DPP3: variants seen among roughly 807,000 people sequenced by gnomAD.
DPP3 encodes dipeptidyl peptidase 3, also known as DPP III.
A neutral mutation model predicts 89.8 loss-of-function variants in DPP3; 64 were observed. The ratio of observed to expected loss-of-function variants is 0.71; its 90% CI spans 0.58 to 0.88. DPP3 has a LOEUF of 0.88. DPP3 is among the 40% of genes least tolerant of loss of function. The pLI is 0.00. For missense variants in DPP3, 835 were observed against 972.5 expected (o/e 0.86, Z 1.88); for synonymous variants, 377 against 404.3 (o/e 0.93, Z 0.81).
At chr11:66,485,405 G>C (rs1855199302) in intron 3 of DPP3, 143 bp downstream of exon 3, 3 of 783,346 alleles carry the variant, frequency 3.8e-6, no homozygotes, top group Non-Finnish European at 6.2e-6. Flanking sequence ...GCATGACTGT[G>C]GGTGTCACCA....
intron 17 of DPP3, among the ~76,000 whole-genome samples, chr11:66,507,721 C>T (rs1590750517): frequency 6.8e-6 from 1 of 146,022 alleles, no homozygotes; most frequent in African/African-American, 2.5e-5. Flanking sequence ...GAGTCTCACT[C>T]TGTCCCGCAG....
chr11:66,498,089 C>T (rs1170558054), intron 16 of DPP3, among the ~76,000 whole-genome samples: 4 of 146,910 alleles, frequency 2.7e-5, no homozygotes, highest in Non-Finnish European at 4.5e-5. Context: ...TTCACCACCA[C>T]GCCCGGCTAA....
At chr11:66,486,004 C>T (rs11600009) in intron 3 of DPP3, among the ~76,000 whole-genome samples, 4,015 of 151,980 alleles carry the variant, frequency 0.026, 73 homozygotes, top group Middle Eastern at 0.088. Context: ...GGTAGTGGCA[C>T]GGACACAGCT....
chr11:66,482,019 G>A, intron 1 of DPP3, 174 bp from the exon 2 acceptor site: 1 of 908,764 alleles, frequency 1.1e-6, no homozygotes, highest in South Asian at 1.7e-5. Context: ...TGACCCCTTG[G>A]GTGAGTCATC....
intron 2 of DPP3, 40 bp from the exon 3 acceptor site, chr11:66,485,133 G>A (rs1253704569): frequency 1.3e-6 from 2 of 1,590,472 alleles, no homozygotes; most frequent in Admixed American, 1.7e-5. Context: ...GGTCAGGGAG[G>A]CTGTGCTTCC....
intron 1 of DPP3, 107 bp from the exon 2 acceptor site, chr11:66,482,086 T>G: frequency 6.8e-7 from 1 of 1,461,846 alleles, no homozygotes; most frequent in Non-Finnish European, 9.2e-7. Context: ...TAGTATTCCC[T>G]TCCACATGGG....
intron 6 of DPP3, 70 bp downstream of exon 6, chr11:66,488,077 A>C (rs890010441): frequency 7.4e-7 from 1 of 1,357,394 alleles, no homozygotes; most frequent in Non-Finnish European, 1.0e-6. Flanking sequence ...CTCAGGTCCT[A>C]CCAACTCTGC....
At chr11:66,487,220 C>T in intron 4 of DPP3, 48 bp from the exon 5 acceptor site, 1 of 1,593,586 alleles carries the variant, frequency 6.3e-7, no homozygotes, top group South Asian at 1.1e-5. Flanking sequence ...CCCTGCAGCC[C>T]TGACCTTGGC....
rs1855468118 is a variant in DPP3, at chr11:66,493,993, G to A, written c.1389+360G>A. Among the ~76,000 whole-genome samples, 3 of 152,242 alleles carry A rather than the reference G, an allele frequency of 2.0e-5. No individual in the cohort carries two copies. The South Asian group carries it at 6.2e-4, about 32-fold the overall frequency. On this transcript the variant is annotated intron_variant, in intron 12 of 17. Coordinates refer to ENST00000531863, the MANE Select transcript of DPP3 (RefSeq NM_130443.4). Reference sequence around the variant, plus strand: ...AGCACACCCTAAGGGCGTGCTTAGGGCGTGGCTCCAGCAGCCCCAGGACAG... The same window carrying A: ...AGCACACCCTAAGGGCGTGCTTAGGACGTGGCTCCAGCAGCCCCAGGACAG...
intron 12 of DPP3, 38 bp downstream of exon 12, chr11:66,493,671 C>T (rs753108797): frequency 1.9e-6 from 3 of 1,566,698 alleles, no homozygotes; most frequent in East Asian, 2.4e-5. Context: ...CCCCAGCCTA[C>T]AGCTCCACTC....
chr11:66,497,418 C>T lies in DPP3; in HGVS notation c.1819C>T (p.Arg607Cys), dbSNP rs137888856. ...CCCAGATGCCCGGGTCCGCCTCGAC[C>T]GCAGCAAGATCCGGTCTGTGGGCAA... ...GRPDARVRLD[R>C]SKIRSVGKPA... is the part of the protein sequence containing the mutation. Residue 607 changes from arginine (R) to cysteine (C), a missense_variant, in exon 16 of 18, where the codon CGC (arginine) becomes TGC (cysteine). Coordinates refer to ENST00000531863, the MANE Select transcript of DPP3 (RefSeq NM_130443.4). 989 of 1,614,024 alleles carry T rather than the reference C, an allele frequency of 6.1e-4. 1 individual carries two copies. Among genetic ancestry groups the T allele is most frequent in the Non-Finnish European group, 7.7e-4 (912 of 1,180,026 alleles).
At position 66,492,744 on chromosome 11, in the gene DPP3, G is replaced by A; in HGVS notation, c.1017G>A (p.Met339Ile). The A allele has an allele frequency of 6.2e-7, 1 of 1,609,058 alleles. No homozygotes were observed. Among genetic ancestry groups the A allele is most frequent in the Non-Finnish European group, 8.5e-7 (1 of 1,177,792 alleles). ...TCGTAGCTGTGGTGAACAAGGCCAT[G>A]AGTGCCAAGTTTGAGCGGCTGGTGG... is the stretch of plus-strand genomic sequence containing the variant. Reference protein sequence around the residue: ...EGFVAVVNKAMSAKFERLVAS... With the variant: ...EGFVAVVNKAISAKFERLVAS... Residue 339 changes from methionine (M) to isoleucine (I), a missense_variant, in exon 10 of 18, where the codon ATG becomes ATA. Met to Ile is a conservative substitution (Grantham distance 10). Transcript: ENST00000531863.
intron 16 of DPP3, among the ~76,000 whole-genome samples, chr11:66,503,025 A>G (rs1447960355): frequency 6.6e-6 from 1 of 151,958 alleles, no homozygotes; most frequent in Non-Finnish European, 1.5e-5. Context: ...CTGGAGTGCA[A>G]TGGTGCAATC....
At chr11:66,480,505 C>T (rs1336748451) in intron 1 of DPP3, 40 bp downstream of exon 1, 1 of 1,473,656 alleles carries the variant, frequency 6.8e-7, no homozygotes, top group East Asian at 2.9e-5. Flanking sequence ...CAAAGCGTGT[C>T]ATCCCGGGGG....
At chr11:66,505,119 G>T (rs567593582) in intron 17 of DPP3, among the ~76,000 whole-genome samples, 1 of 152,284 alleles carries the variant, frequency 6.6e-6, no homozygotes, top group African/African-American at 2.4e-5. Context: ...CCAGGCTGGG[G>T]GTCAGGTGAG....
chr11:66,494,100 C>T (rs1355209366), intron 12 of DPP3, among the ~76,000 whole-genome samples: 2 of 152,162 alleles, frequency 1.3e-5, no homozygotes. Flanking sequence ...TTCCGTGGAA[C>T]CTGGGCTTTT....
At chr11:66,492,637 A>C in intron 9 of DPP3, 79 bp from the exon 10 acceptor site, 1 of 1,486,660 alleles carries the variant, frequency 6.7e-7, no homozygotes, top group South Asian at 1.3e-5. Context: ...CATTCAGTAC[A>C]TGCGTGATGG....
At position 66,500,514 on chromosome 11, in the gene DPP3, C is replaced by A. The variant is rs534540942; in HGVS notation, c.1878+3037C>A. On this transcript the variant is annotated intron_variant, in intron 16 of 17. Transcript: ENST00000531863. ...AGTAATTAGGCAACCTCAACCTAAA[C>A]TGCATAAGTTACAATTGATACCCAC... 3.3e-5 allele frequency among the ~76,000 whole-genome samples: 5 copies of A among 152,304 alleles called. No individual in the cohort carries two copies. In the South Asian group the frequency reaches 1.0e-3, roughly 32 times the overall value.
chr11:66,490,704 G>A (rs1023259976), intron 6 of DPP3, among the ~76,000 whole-genome samples: 1 of 151,958 alleles, frequency 6.6e-6, no homozygotes, highest in Admixed American at 6.6e-5. Flanking sequence ...CACACGGAAA[G>A]CACATGTTAT....
Sources: allele counts gnomAD v4.1 joint callset (sites outside exome capture counted in the v4.1 genomes callset), GRCh38; gene constraint gnomAD v4.1.1; transcripts MANE v1.5; gene names NCBI Gene and HGNC (gene_info 2026-07-23, HGNC 2026-07-21).